The following LAP3 variants were observed in gnomAD, a reference collection of about 807,000 sequenced individuals.
LAP3 encodes the protein leucine aminopeptidase 3.
In LAP3, 46 loss-of-function variants were observed where a neutral mutation model predicts 58.8. The ratio of observed to expected loss-of-function variants is 0.78; its 90% CI spans 0.62 to 1.00. The LOEUF (loss-of-function observed/expected upper bound fraction) is 1.00. Ranked by LOEUF, LAP3 falls within the 50% of genes least tolerant of loss-of-function variation. The pLI, the probability that LAP3 is intolerant of heterozygous loss-of-function variation, is 0.00. For synonymous variants in LAP3, 257 were observed against 237.7 expected, an observed-to-expected ratio of 1.08 and a Z score of -0.75; for missense variants, 615 against 659.1, an observed-to-expected ratio of 0.93 and a Z score of 0.73.
intron 10 of LAP3, among the ~76,000 whole-genome samples, chr4:17,601,291 T>A (rs1713974956): frequency 6.6e-6 from 1 of 152,182 alleles, no homozygotes; most frequent in Non-Finnish European, 1.5e-5. Context: ...GCTGTGGAAA[T>A]AATTCTGGAA....
At chr4:17,594,283 G>A (rs911567457) in intron 7 of LAP3, among the ~76,000 whole-genome samples, 3 of 152,318 alleles carry the variant, frequency 2.0e-5, no homozygotes, top group East Asian at 1.9e-4. Flanking sequence ...ATACAACAGC[G>A]TGTTCCCTTT....
chr4:17,600,350 T>G (rs1247605196), intron 10 of LAP3, among the ~76,000 whole-genome samples: 1 of 151,780 alleles, frequency 6.6e-6, no homozygotes, highest in African/African-American at 2.4e-5. Context: ...GTTTTCATGG[T>G]TTTTGGTCTA....
intron 11 of LAP3, among the ~76,000 whole-genome samples, chr4:17,606,572 T>A (rs1193112491): frequency 1.3e-5 from 2 of 152,236 alleles, no homozygotes; most frequent in African/African-American, 4.8e-5. Flanking sequence ...TTTCTTGACC[T>A]CGTGATCCAC....
intron 2 of LAP3, among the ~76,000 whole-genome samples, chr4:17,581,118 T>C (rs1261759799): frequency 2.0e-5 from 3 of 152,210 alleles, no homozygotes; most frequent in Admixed American, 6.5e-5. Flanking sequence ...GGGCCTCTTA[T>C]AGTCATGGAT....
At chr4:17,599,182 G>A (rs1048030506) in intron 10 of LAP3, among the ~76,000 whole-genome samples, 2 of 152,244 alleles carry the variant, frequency 1.3e-5, no homozygotes, top group Non-Finnish European at 2.9e-5. Flanking sequence ...GCCCAGCCTG[G>A]GCTGTACCTT....
At chr4:17,587,203 C>T (rs1713539472) in intron 6 of LAP3, among the ~76,000 whole-genome samples, 1 of 152,180 alleles carries the variant, frequency 6.6e-6, no homozygotes, top group Non-Finnish European at 1.5e-5. Flanking sequence ...AGCTGCAAAA[C>T]TTGTAGCCGA....
chr4:17,590,855 C>T (rs1257440704), intron 7 of LAP3, among the ~76,000 whole-genome samples: 1 of 151,910 alleles, frequency 6.6e-6, no homozygotes, highest in Non-Finnish European at 1.5e-5. Flanking sequence ...CAGGCGTGAG[C>T]CACTGCGCCT....
intron 5 of LAP3, 92 bp downstream of exon 5, chr4:17,583,734 C>G: frequency 7.1e-7 from 1 of 1,415,044 alleles, no homozygotes; most frequent in Non-Finnish European, 9.8e-7. Context: ...TCAGCGCCAC[C>G]CACAGCTGCG....
chr4:17,580,023 AG>A, intron 2 of LAP3, 84 bp downstream of exon 2: 2 of 540,022 alleles, frequency 3.7e-6, no homozygotes, highest in East Asian at 8.9e-5. Flanking sequence ...TTTGAAACAG[AG>A]TCTTGCTCTG....
intron 10 of LAP3, among the ~76,000 whole-genome samples, chr4:17,599,760 A>T (rs536323212): frequency 9.3e-4 from 142 of 152,112 alleles, no homozygotes; most frequent in African/African-American, 2.8e-3. Flanking sequence ...AAGGAAATAA[A>T]AACATTTTAC....
chr4:17,593,701 T>A (rs1577222812), intron 7 of LAP3, among the ~76,000 whole-genome samples: 1 of 134,628 alleles, frequency 7.4e-6, no homozygotes, highest in East Asian at 2.6e-4. Context: ...AGCCTCGACC[T>A]CCCTGGGCTC....
chr4:17,592,905 TCTC>T (rs755437991), intron 7 of LAP3, among the ~76,000 whole-genome samples: 46 of 152,202 alleles, frequency 3.0e-4, no homozygotes, highest in Admixed American at 2.5e-3. Context: ...TTCAAGCAAT[TCTC>T]CTGCCTCAGC....
At chr4:17,579,797 A>G (rs767434190) in intron 1 of LAP3, 27 bp from the exon 2 acceptor site, 32 of 1,306,142 alleles carry the variant, frequency 2.4e-5, no homozygotes, top group Non-Finnish European at 3.2e-5. Flanking sequence ...TAATTCTATT[A>G]TATTTACGTT....
intron 7 of LAP3, among the ~76,000 whole-genome samples, chr4:17,591,974 G>A (rs1447462000): frequency 2.0e-5 from 3 of 148,040 alleles, no homozygotes; most frequent in African/African-American, 2.5e-5. Context: ...TGTGCACCTT[G>A]GGGGGGTGCA....
chr4:17,593,637 TGTCTCAC>T (rs1713755977), intron 7 of LAP3, among the ~76,000 whole-genome samples: 1 of 106,972 alleles, frequency 9.3e-6, no homozygotes, highest in Non-Finnish European at 2.0e-5. Context: ...TTTGAGACAG[TGTCTCAC>T]TCTGTTGCCC....
chr4:17,579,978 C>G lies in LAP3; in HGVS notation c.218+39C>G, dbSNP rs200992520. On this transcript the variant is annotated intron_variant, in intron 2 of 12. Coordinates refer to ENST00000226299, the MANE Select transcript of LAP3 (RefSeq NM_015907.3). ...GTGGGCTCTAGTTCTTAAAGTGCCC[C>G]CAAATCGAAACAGTATTTTTTCTTT... is the stretch of plus-strand genomic sequence containing the variant. The G allele has an allele frequency of 3.8e-4, 446 of 1,169,680 alleles. 1 individual carries two copies. The highest frequency in any genetic ancestry group is 4.3e-4 in the Non-Finnish European group (339 of 796,952). The allele number at this position is 1,169,680 out of a possible 1,614,324, so 72.5% of individuals were successfully genotyped here.
intron 8 of LAP3, among the ~76,000 whole-genome samples, chr4:17,596,340 G>GT (rs553747137): frequency 7.0e-4 from 107 of 151,848 alleles, no homozygotes; most frequent in Non-Finnish European, 1.1e-3. Context: ...GGTTTTTTTG[G>GT]TTTTTTGGTT....
chr4:17,580,064 C>T, intron 2 of LAP3, 125 bp downstream of exon 2: 2 of 512,810 alleles, frequency 3.9e-6, no homozygotes, highest in Non-Finnish European at 6.8e-6. Context: ...GTGGCACGAT[C>T]TTGACTCACT....
Position 17,588,393 on chromosome 4 carries a change from C to T in LAP3, c.705-426C>T, listed in dbSNP as rs536834999. Among the ~76,000 whole-genome samples the T allele has an allele frequency of 8.7e-4, 132 of 152,294 alleles. 4 individuals carry two copies. Among genetic ancestry groups the T allele is most frequent in the Admixed American group, 6.2e-3 (95 of 15,292 alleles). On this transcript the variant is annotated intron_variant, in intron 6 of 12. Transcript: ENST00000226299. Reference sequence around the variant, plus strand: ...CTCCTGAGCTGAAGCAATTCTCTCACCTCAGCCTTCCAAAGTGCTGGGATT... The same window carrying T: ...CTCCTGAGCTGAAGCAATTCTCTCATCTCAGCCTTCCAAAGTGCTGGGATT...
Sources: allele counts gnomAD v4.1 joint callset (sites outside exome capture counted in the v4.1 genomes callset), GRCh38; gene constraint gnomAD v4.1.1; transcripts MANE v1.5; gene names NCBI Gene and HGNC (gene_info 2026-07-23, HGNC 2026-07-21).